The following MDGA2 variants were observed in gnomAD, a reference collection of about 807,000 sequenced individuals.
MDGA2 encodes MAM domain-containing glycosylphosphatidylinositol anchor protein 2.
Under a neutral mutation model 117.8 loss-of-function variants are expected in MDGA2, and 40 were observed. The observed-to-expected ratio is 0.34, with a 90% confidence interval of 0.26 to 0.44. The LOEUF is 0.44. Ranked by LOEUF, MDGA2 falls within the 20% of genes least tolerant of loss-of-function variation. The pLI is 1.00. For synonymous variants in MDGA2, 452 were observed against 439.0 expected (o/e 1.03, Z -0.37); for missense variants, 1,123 against 1,250.6 (o/e 0.90, Z 1.54).
At chr14:46,868,175 G>A (rs1214583216) in intron 14 of MDGA2, among the ~76,000 whole-genome samples, 1 of 151,872 alleles carries the variant, frequency 6.6e-6, no homozygotes, top group Non-Finnish European at 1.5e-5. Flanking sequence ...ATTATGATAG[G>A]TATACATATC....
intron 1 of MDGA2, among the ~76,000 whole-genome samples, chr14:47,466,563 C>G (rs1210783151): frequency 1.3e-5 from 2 of 152,090 alleles, no homozygotes; most frequent in Non-Finnish European, 2.9e-5. Flanking sequence ...TGTGACAAAG[C>G]TGTGCCTCAT....
chr14:47,164,577 G>A (rs916314078), intron 3 of MDGA2, among the ~76,000 whole-genome samples: 1 of 152,134 alleles, frequency 6.6e-6, no homozygotes, highest in Non-Finnish European at 1.5e-5. Flanking sequence ...AGTTAGAATG[G>A]CGATCATTAA....
intron 1 of MDGA2, among the ~76,000 whole-genome samples, chr14:47,648,431 C>T (rs762751415): frequency 6.6e-6 from 1 of 152,074 alleles, no homozygotes; most frequent in Non-Finnish European, 1.5e-5. Context: ...AAGACAAAAA[C>T]CATTTTTATA....
rs1889686573 is a variant in MDGA2 at position 47,056,679 on chromosome 14, A to C, written c.1525+4570T>G. 3.3e-5 allele frequency among the ~76,000 whole-genome samples: 5 copies of C among 152,302 alleles called. No individual in the cohort carries two copies. In the South Asian group the frequency reaches 1.0e-3, roughly 32 times the overall value. On this transcript the variant is annotated intron_variant, in intron 7 of 16. Coordinates refer to ENST00000399232, the MANE Select transcript of MDGA2 (RefSeq NM_001113498.3). ...CAAGTCATGCAAAGAAATAAGTGCAAGCTAATGAGCATCCAAGGACTCTAC... is the reference window on the plus strand; with the variant it reads ...CAAGTCATGCAAAGAAATAAGTGCACGCTAATGAGCATCCAAGGACTCTAC...
At chr14:47,234,980 T>C (rs76412915) in intron 2 of MDGA2, among the ~76,000 whole-genome samples, 79 of 152,310 alleles carry the variant, frequency 5.2e-4, no homozygotes, top group African/African-American at 1.7e-3. Flanking sequence ...TTATGATATC[T>C]AATTATATAA....
intron 1 of MDGA2, among the ~76,000 whole-genome samples, chr14:47,390,088 T>C (rs1472890416): frequency 6.6e-6 from 1 of 152,132 alleles, no homozygotes; most frequent in Non-Finnish European, 1.5e-5. Flanking sequence ...ACTTCAGCAT[T>C]TGAGGTGTTG....
chr14:47,100,291 G>A (rs1880228164), intron 5 of MDGA2, among the ~76,000 whole-genome samples: 1 of 152,004 alleles, frequency 6.6e-6, no homozygotes, highest in Non-Finnish European at 1.5e-5. Context: ...TTTTCACAAT[G>A]TCCTGAAACT....
chr14:47,488,105 G>C (rs1301710217), intron 1 of MDGA2, among the ~76,000 whole-genome samples: 1 of 152,090 alleles, frequency 6.6e-6, no homozygotes, highest in Non-Finnish European at 1.5e-5. Flanking sequence ...ACCCTGGTTA[G>C]ATCATTGGGC....
chr14:47,054,377 G>A (rs1889588261), intron 7 of MDGA2, among the ~76,000 whole-genome samples: 1 of 151,570 alleles, frequency 6.6e-6, no homozygotes, highest in Non-Finnish European at 1.5e-5. Context: ...ACAATGTGCA[G>A]GTTTGTTACA....
intron 6 of MDGA2, among the ~76,000 whole-genome samples, chr14:47,072,579 T>C (rs867160922): frequency 6.6e-6 from 1 of 152,212 alleles, no homozygotes; most frequent in African/African-American, 2.4e-5. Context: ...TCTCCAAGTA[T>C]GAACCCTAGT....
Position 47,097,086 on chromosome 14 carries a change from T to C in MDGA2, c.963A>G (p.Ile321Met), listed in dbSNP as rs1220789848. ...PSIKLLVDDP[I>M]VVNPGEAITL... ...TTATGGCCTCTCCAGGATTTACAAC[T>C]ATAGGATCATCCACCAAGAGTTTAA... is the stretch of plus-strand genomic sequence containing the variant. Residue 321 changes from isoleucine to methionine, a missense_variant, in exon 6 of 17, where the codon ATA becomes ATG. This residue lies in a region of MDGA2 where 890 missense variants were observed against 1,050.3 expected (regional missense o/e 0.85). Coordinates refer to ENST00000399232, the MANE Select transcript of MDGA2 (RefSeq NM_001113498.3). 6.2e-7 allele frequency: 1 copy of C among 1,613,162 alleles called. No homozygotes were observed. The highest frequency in any genetic ancestry group is 8.5e-7 in the Non-Finnish European group (1 of 1,179,332).
chr14:47,386,006 C>G (rs369802680), intron 1 of MDGA2, among the ~76,000 whole-genome samples: 2 of 152,212 alleles, frequency 1.3e-5, no homozygotes, highest in East Asian at 1.9e-4. Context: ...TTCAGCCAGG[C>G]GCGGTGGCTC....
At position 47,670,097 on chromosome 14, in the gene MDGA2, C is replaced by G. The variant is rs139354923; in HGVS notation, c.280+4420G>C. 6.1e-3 allele frequency among the ~76,000 whole-genome samples: 931 copies of G among 152,252 alleles called. 13 individuals carry two copies. Among genetic ancestry groups the G allele is most frequent in the African/African-American group, 0.021 (879 of 41,550 alleles). The stretch of plus-strand genomic sequence containing the variant: ...TCCAGCTACTGCCTGGGCTGTCATT[C>G]TTAAATTGTATGAGATTTACTGATA... On this transcript the variant is annotated intron_variant, in intron 1 of 16. Transcript: ENST00000399232.
intron 1 of MDGA2, among the ~76,000 whole-genome samples, chr14:47,572,276 T>C (rs946288659): frequency 1.3e-5 from 2 of 152,188 alleles, no homozygotes; most frequent in African/African-American, 4.8e-5. Context: ...TGCTCTCTTA[T>C]TACTTTATAA....
At position 47,445,268 on chromosome 14, in the gene MDGA2, A is replaced by G. The variant is rs1366331976; in HGVS notation, c.281-143718T>C. Among the ~76,000 whole-genome samples, 4 of 152,192 alleles carry G rather than the reference A, an allele frequency of 2.6e-5. No homozygotes were observed. The East Asian group carries it at 7.7e-4, about 29-fold the overall frequency. ...TGTTGACTATGAGGAGGAAGAAGAA[A>G]GAAAGAAGGAAGGAAGAGATAAAAC... On this transcript the variant is annotated intron_variant, in intron 1 of 16. Coordinates refer to ENST00000399232, the MANE Select transcript of MDGA2 (RefSeq NM_001113498.3).
chr14:47,575,666 G>A (rs997976017), intron 1 of MDGA2, among the ~76,000 whole-genome samples: 1 of 152,042 alleles, frequency 6.6e-6, no homozygotes, highest in African/African-American at 2.4e-5. Context: ...TAATGTTTAG[G>A]GAACATGTGT....
At chr14:47,226,980 A>AT (rs1354487379) in intron 2 of MDGA2, among the ~76,000 whole-genome samples, 2 of 151,890 alleles carry the variant, frequency 1.3e-5, no homozygotes, top group Non-Finnish European at 2.9e-5. Flanking sequence ...TCCAGATATC[A>AT]TTTTTTTAGA....
chr14:47,553,384 G>A (rs187121623), intron 1 of MDGA2, among the ~76,000 whole-genome samples: 21 of 152,204 alleles, frequency 1.4e-4, no homozygotes, highest in Admixed American at 1.1e-3. Flanking sequence ...CAGTTCCTTG[G>A]AACTCCTTCT....
chr14:47,597,663 C>T (rs916352049), intron 1 of MDGA2, among the ~76,000 whole-genome samples: 1 of 152,002 alleles, frequency 6.6e-6, no homozygotes, highest in African/African-American at 2.4e-5. Context: ...TAGACCTTTG[C>T]CAAACACCTT....
Sources: allele counts gnomAD v4.1 joint callset (sites outside exome capture counted in the v4.1 genomes callset), GRCh38; gene constraint gnomAD v4.1.1; regional missense constraint gnomAD v4.1.1; transcripts MANE v1.5; gene names NCBI Gene and HGNC (gene_info 2026-07-23, HGNC 2026-07-21).